CNBD2: variants seen among roughly 807,000 people sequenced by gnomAD.
CNBD2 encodes the protein cyclic nucleotide binding domain containing 2, also known as cyclic nucleotide-binding domain-containing protein 2.
In CNBD2, 64 loss-of-function variants were observed where a neutral mutation model predicts 63.7. That is an observed-to-expected ratio of 1.00 (90% CI 0.82 to 1.24). The LOEUF (loss-of-function observed/expected upper bound fraction) is 1.24. CNBD2 is among the 50% of genes most tolerant of loss of function. CNBD2 has a pLI of 0.00. For synonymous variants in CNBD2, 229 were observed against 255.4 expected, an observed-to-expected ratio of 0.90 and a Z score of 0.99; for missense variants, 691 against 713.5, an observed-to-expected ratio of 0.97 and a Z score of 0.36.
At chr20:36,019,190 G>A (rs574046075) in intron 10 of CNBD2, among the ~76,000 whole-genome samples, 1 of 152,262 alleles carries the variant, frequency 6.6e-6, no homozygotes, top group Admixed American at 6.5e-5. Flanking sequence ...GAAGTCTGCT[G>A]TGAGGAGGTG....
intron 11 of CNBD2, among the ~76,000 whole-genome samples, chr20:36,026,926 C>T (rs984333196): frequency 1.3e-4 from 20 of 152,220 alleles, no homozygotes; most frequent in Non-Finnish European, 7.3e-5. Context: ...GTGCTTTATC[C>T]GCCTTTGGTC....
chr20:35,986,040 A>G (rs1406518806), intron 6 of CNBD2, among the ~76,000 whole-genome samples: 1 of 152,278 alleles, frequency 6.6e-6, no homozygotes, highest in African/African-American at 2.4e-5. Flanking sequence ...ATTTAAAAGC[A>G]GAACTCATAC....
At chr20:36,021,120 T>G (rs931733628) in intron 10 of CNBD2, among the ~76,000 whole-genome samples, 5 of 152,070 alleles carry the variant, frequency 3.3e-5, no homozygotes. Flanking sequence ...GTGCCCCAAA[T>G]CACATAAGTA....
At chr20:35,982,407 T>A (rs2056609918) in intron 4 of CNBD2, among the ~76,000 whole-genome samples, 1 of 152,164 alleles carries the variant, frequency 6.6e-6, no homozygotes, top group Non-Finnish European at 1.5e-5. Context: ...CTTCTCCCAT[T>A]TTCCTTTCCC....
At chr20:36,028,316 A>T (rs2057304987) in intron 11 of CNBD2, among the ~76,000 whole-genome samples, 1 of 152,098 alleles carries the variant, frequency 6.6e-6, no homozygotes, top group Non-Finnish European at 1.5e-5. Flanking sequence ...CTCATCTAGA[A>T]TGCTGACCCA....
At position 35,970,627 on chromosome 20, in the gene CNBD2, GTC is replaced by G. The variant is rs565638132; in HGVS notation, c.51+1817_51+1818del. Among the ~76,000 whole-genome samples, 446 of 152,036 alleles carry G rather than the reference GTC, an allele frequency of 2.9e-3. 2 individuals carry two copies. The highest frequency in any genetic ancestry group is 0.01 in the African/African-American group (419 of 41,448). ...TGGCCAGACTAGTCTCAAACTCCTG[GTC>G]TCAAGTGATCAGCCCACCTTGGCCT... On this transcript the variant is annotated intron_variant, in intron 1 of 11. Coordinates refer to ENST00000373973, the MANE Select transcript of CNBD2 (RefSeq NM_001365709.1).
intron 8 of CNBD2, among the ~76,000 whole-genome samples, chr20:36,002,235 A>G (rs1344877479): frequency 6.6e-6 from 1 of 152,228 alleles, no homozygotes; most frequent in Non-Finnish European, 1.5e-5. Flanking sequence ...TCTCCACCAA[A>G]AAAATACGAA....
At chr20:36,015,179 A>C (rs555043754) in intron 10 of CNBD2, among the ~76,000 whole-genome samples, 1 of 152,176 alleles carries the variant, frequency 6.6e-6, no homozygotes, top group Non-Finnish European at 1.5e-5. Flanking sequence ...AGAAATGTCT[A>C]TTCAGAGTTT....
At chr20:36,022,035 G>A (rs1430552601) in intron 10 of CNBD2, among the ~76,000 whole-genome samples, 2 of 150,610 alleles carry the variant, frequency 1.3e-5, no homozygotes, top group African/African-American at 4.9e-5. Flanking sequence ...TTGAGTCACA[G>A]TTTCACTCTG....
intron 2 of CNBD2, among the ~76,000 whole-genome samples, chr20:35,975,599 C>T (rs889777207): frequency 2.7e-4 from 41 of 151,962 alleles, no homozygotes; most frequent in Non-Finnish European, 1.3e-4. Flanking sequence ...CGCGCCCAGC[C>T]TGTTCCTTTC....
chr20:36,006,375 A>G (rs1326837678), intron 8 of CNBD2, among the ~76,000 whole-genome samples: 2 of 151,954 alleles, frequency 1.3e-5, no homozygotes, highest in Non-Finnish European at 1.5e-5. Context: ...TTTTTATATA[A>G]TAGAGTGCAC....
chr20:36,002,091 C>T (rs1167154828), intron 8 of CNBD2, among the ~76,000 whole-genome samples: 1 of 152,252 alleles, frequency 6.6e-6, no homozygotes, highest in Non-Finnish European at 1.5e-5. Flanking sequence ...CGCCACTGCA[C>T]TCCAGCCTGG....
At chr20:36,021,058 T>C (rs1452681332) in intron 10 of CNBD2, among the ~76,000 whole-genome samples, 1 of 152,184 alleles carries the variant, frequency 6.6e-6, no homozygotes, top group African/African-American at 2.4e-5. Flanking sequence ...GACATGTCGA[T>C]AGATATTCTC....
chr20:36,013,551 T>A (rs2057092295), intron 10 of CNBD2, among the ~76,000 whole-genome samples: 1 of 152,224 alleles, frequency 6.6e-6, no homozygotes. Flanking sequence ...GAAAAGATGC[T>A]GACTTAAGTA....
At chr20:36,022,189 T>TTTTTC (rs2057220903) in intron 10 of CNBD2, among the ~76,000 whole-genome samples, 1 of 121,612 alleles carries the variant, frequency 8.2e-6, no homozygotes, top group South Asian at 2.8e-4. Context: ...TAATTCTTTT[T>TTTTTC]TTTTTCTTTT....
chr20:36,007,224 A>G (rs1451073498), intron 8 of CNBD2, among the ~76,000 whole-genome samples: 1 of 151,858 alleles, frequency 6.6e-6, no homozygotes, highest in Admixed American at 6.6e-5. Context: ...AAATAAGATC[A>G]TACAGTATGG....
intron 2 of CNBD2, chr20:35,973,053 C>A: frequency 2.0e-6 from 1 of 489,692 alleles, no homozygotes; most frequent in Admixed American, 3.7e-5. Context: ...GGCCTGCTGC[C>A]AAAACTCATG....
chr20:35,967,103 G>T (rs563048543), upstream of CNBD2, among the ~76,000 whole-genome samples: 1 of 152,102 alleles, frequency 6.6e-6, no homozygotes, highest in African/African-American at 2.4e-5. Flanking sequence ...TCGAGACAAG[G>T]CCACTTTACA....
At chr20:35,996,928 C>T (rs2056833525) in intron 8 of CNBD2, among the ~76,000 whole-genome samples, 1 of 152,152 alleles carries the variant, frequency 6.6e-6, no homozygotes, top group Admixed American at 6.5e-5. Context: ...ACAACTGGTT[C>T]CAAAGCCCAG....
Sources: allele counts gnomAD v4.1 joint callset (sites outside exome capture counted in the v4.1 genomes callset), GRCh38; gene constraint gnomAD v4.1.1; transcripts MANE v1.5; gene names NCBI Gene and HGNC (gene_info 2026-07-23, HGNC 2026-07-21).